The following REDIC1 variants were observed in gnomAD, a reference collection of about 807,000 sequenced individuals.
REDIC1 encodes the protein regulator of DNA class I crossover intermediates 1.
the REDIC1 span, among the ~76,000 whole-genome samples, chr12:39,775,921 A>G: frequency 7.2e-5 from 11 of 152,334 alleles, no homozygotes; most frequent in African/African-American, 2.2e-4. Flanking sequence ...AAATGCTCCA[A>G]TGAGCGTTTC....
the REDIC1 span, among the ~76,000 whole-genome samples, chr12:39,706,487 A>C: frequency 6.6e-6 from 1 of 152,030 alleles, no homozygotes; most frequent in Non-Finnish European, 1.5e-5. Flanking sequence ...TAAAAGACCA[A>C]GAATAGCCTA....
At chr12:39,812,339 TTTCTTTTCTTTTCTTTTCTTTTC>T in the REDIC1 span, among the ~76,000 whole-genome samples, 2 of 42,800 alleles carry the variant, frequency 4.7e-5, no homozygotes, top group South Asian at 6.7e-4. Flanking sequence ...TAATTTCTTT[TTTCTTTTCTTTTCTTTTCTTTTC>T]TTTTCTTTTC....
the REDIC1 span, among the ~76,000 whole-genome samples, chr12:39,731,562 G>A: frequency 1.3e-5 from 2 of 152,182 alleles, no homozygotes; most frequent in Admixed American, 1.3e-4. Flanking sequence ...GCCAGCTGGA[G>A]CTCTCCTGTA....
chr12:39,900,743 T>C, the REDIC1 span, among the ~76,000 whole-genome samples: 4 of 152,124 alleles, frequency 2.6e-5, no homozygotes, highest in Admixed American at 1.3e-4. Context: ...GAATCAATAT[T>C]GTGAAAATGG....
the REDIC1 span, among the ~76,000 whole-genome samples, chr12:39,632,448 T>C: frequency 6.6e-6 from 1 of 152,238 alleles, no homozygotes; most frequent in East Asian, 1.9e-4. Context: ...ATTTTAGAGA[T>C]TGACAACGTA....
chr12:39,895,517 TATA>T, the REDIC1 span, among the ~76,000 whole-genome samples: 19 of 926 alleles, frequency 0.021, 1 homozygote, highest in African/African-American at 0.039. Context: ...AAAAAAATTA[TATA>T]TATATATATA....
At chr12:39,683,766 C>T in the REDIC1 span, among the ~76,000 whole-genome samples, 2 of 151,474 alleles carry the variant, frequency 1.3e-5, no homozygotes, top group East Asian at 3.9e-4. Context: ...TCATATCCGC[C>T]AGAATGTCAA....
At chr12:39,904,318 T>C in the REDIC1 span, among the ~76,000 whole-genome samples, 11 of 152,092 alleles carry the variant, frequency 7.2e-5, no homozygotes, top group Admixed American at 5.2e-4. Context: ...AGAAACCACA[T>C]TGTAGTTTAG....
the REDIC1 span, among the ~76,000 whole-genome samples, chr12:39,772,563 T>C: frequency 1.3e-5 from 2 of 151,712 alleles, no homozygotes; most frequent in Non-Finnish European, 2.9e-5. Flanking sequence ...AGCAATGAAA[T>C]AGTCTTTTGA....
chr12:39,633,292 A>G, the REDIC1 span, among the ~76,000 whole-genome samples: 1 of 152,128 alleles, frequency 6.6e-6, no homozygotes, highest in Non-Finnish European at 1.5e-5. Context: ...GAAAACACAA[A>G]TACACATATT....
chr12:39,838,259 C>T, the REDIC1 span, among the ~76,000 whole-genome samples: 1 of 149,038 alleles, frequency 6.7e-6, no homozygotes, highest in South Asian at 2.1e-4. Context: ...CCAAACACCG[C>T]ATATTCTCAC....
chr12:39,684,870 A>T, the REDIC1 span: 1 of 1,609,358 alleles, frequency 6.2e-7, no homozygotes, highest in Non-Finnish European at 8.5e-7. Context: ...TCCTTAGGGG[A>T]AATATACCTT....
chr12:39,642,916 T>C, the REDIC1 span, among the ~76,000 whole-genome samples: 2 of 151,806 alleles, frequency 1.3e-5, no homozygotes, highest in African/African-American at 2.4e-5. Flanking sequence ...GAAATGTTAA[T>C]GTGAAAGAGC....
At chr12:39,750,939 G>T in the REDIC1 span, among the ~76,000 whole-genome samples, 2 of 152,246 alleles carry the variant, frequency 1.3e-5, no homozygotes, top group African/African-American at 4.8e-5. Flanking sequence ...TTACATGTTA[G>T]ACCTGAAACC....
chr12:39,728,375 G>T, the REDIC1 span, among the ~76,000 whole-genome samples: 3 of 151,946 alleles, frequency 2.0e-5, no homozygotes, highest in Non-Finnish European at 4.4e-5. Flanking sequence ...TTTATTGAAG[G>T]CCTTTTTTTG....
chr12:39,901,510 C>A, the REDIC1 span, among the ~76,000 whole-genome samples: 1 of 136,442 alleles, frequency 7.3e-6, no homozygotes, highest in Non-Finnish European at 1.6e-5. Flanking sequence ...AAACAAACAA[C>A]CCCATCAAAA....
chr12:39,839,576 T>G, the REDIC1 span, among the ~76,000 whole-genome samples: 30 of 152,034 alleles, frequency 2.0e-4, no homozygotes, highest in African/African-American at 6.8e-4. Context: ...AAATTTTCCC[T>G]CTTTCCTACA....
the REDIC1 span, among the ~76,000 whole-genome samples, chr12:39,843,667 CTA>C: frequency 6.6e-6 from 1 of 152,074 alleles, no homozygotes; most frequent in East Asian, 1.9e-4. Context: ...CTCTCCAGCT[CTA>C]TGCTTCACCT....
chr12:39,712,589 A>T, the REDIC1 span, among the ~76,000 whole-genome samples: 2 of 144,694 alleles, frequency 1.4e-5, no homozygotes, highest in Admixed American at 1.4e-4. Flanking sequence ...ATATGTATAT[A>T]CGTATATACA....
Sources: gnomAD v4.1 joint callset for allele counts (sites outside exome capture counted in the v4.1 genomes callset) on GRCh38, gnomAD v4.1.1 for gene constraint, MANE v1.5 for transcripts, NCBI Gene and HGNC (gene_info 2026-07-23, HGNC 2026-07-21) for gene names.